The following RAPGEF4 variants were observed in gnomAD, a reference collection of about 807,000 sequenced individuals.
RAPGEF4 encodes Rap guanine nucleotide exchange factor 4, also known as RAP guanine-nucleotide-exchange factor (GEF) 4.
Under a neutral mutation model 147.9 loss-of-function variants are expected in RAPGEF4, and 66 were observed. The observed-to-expected ratio is 0.45, with a 90% CI of 0.37 to 0.55. RAPGEF4 has a LOEUF of 0.55. Among genes scored for constraint, RAPGEF4 ranks in the 20% least tolerant of loss-of-function variants. The pLI, the probability that RAPGEF4 is intolerant of heterozygous loss-of-function variation, is 0.00. For synonymous variants in RAPGEF4, 419 were observed against 442.7 expected (o/e 0.95, Z 0.67); for missense variants, 1,071 against 1,257.3 (o/e 0.85, Z 2.24).
chr2:172,926,568 ATTTGTTTG>A (rs373359454), intron 6 of RAPGEF4, among the ~76,000 whole-genome samples: 1 of 151,438 alleles, frequency 6.6e-6, no homozygotes, highest in South Asian at 2.1e-4. Flanking sequence ...TTGTTTGTTT[ATTTGTTTG>A]TTTGTTTGTT....
intron 4 of RAPGEF4, among the ~76,000 whole-genome samples, chr2:172,859,365 A>C (rs142198934): frequency 6.6e-6 from 1 of 152,382 alleles, no homozygotes; most frequent in African/African-American, 2.4e-5. Flanking sequence ...ATGAAAATGT[A>C]CTCTGATATA....
chr2:172,814,130 C>T (rs1688280917), intron 3 of RAPGEF4, 149 bp from the exon 4 acceptor site: 1 of 784,864 alleles, frequency 1.3e-6, no homozygotes, highest in Admixed American at 2.6e-5. Context: ...TTGGTAATTA[C>T]TCCGGTATAT....
intron 23 of RAPGEF4, among the ~76,000 whole-genome samples, chr2:173,023,576 GGA>G (rs1242371396): frequency 6.6e-6 from 1 of 152,156 alleles, no homozygotes. Context: ...CCCTACGCCG[GGA>G]GAGAGACTTG....
intron 4 of RAPGEF4, among the ~76,000 whole-genome samples, chr2:172,888,290 C>T (rs1285811654): frequency 2.6e-5 from 4 of 152,188 alleles, no homozygotes; most frequent in East Asian, 1.9e-4. Context: ...GGAAAAAATC[C>T]GAGGCTGAAC....
chr2:172,749,043 C>T (rs1218957288), intron 1 of RAPGEF4, among the ~76,000 whole-genome samples: 1 of 152,186 alleles, frequency 6.6e-6, no homozygotes, highest in Non-Finnish European at 1.5e-5. Flanking sequence ...CAGCCTGGCC[C>T]CTGTGGCTTT....
chr2:172,815,255 G>T (rs1427165902), intron 4 of RAPGEF4, among the ~76,000 whole-genome samples: 1 of 152,194 alleles, frequency 6.6e-6, no homozygotes, highest in African/African-American at 2.4e-5. Flanking sequence ...GATCTAAAAA[G>T]AATTTTGTGT....
At chr2:172,954,922 AT>A (rs1688579097) in intron 6 of RAPGEF4, among the ~76,000 whole-genome samples, 1 of 152,158 alleles carries the variant, frequency 6.6e-6, no homozygotes, top group Non-Finnish European at 1.5e-5. Context: ...CCAAGAGCCC[AT>A]TTTGGCCAGG....
chr2:173,049,475 A>G (rs1369281212), intron 30 of RAPGEF4, among the ~76,000 whole-genome samples: 2 of 152,228 alleles, frequency 1.3e-5, no homozygotes, highest in Non-Finnish European at 2.9e-5. Context: ...TCAATATGAT[A>G]CTATGACATA....
intron 4 of RAPGEF4, among the ~76,000 whole-genome samples, chr2:172,883,622 T>A (rs1018334787): frequency 3.9e-5 from 6 of 152,228 alleles, no homozygotes; most frequent in Non-Finnish European, 8.8e-5. Flanking sequence ...CTGACATTTT[T>A]AAAAATTCTG....
intron 4 of RAPGEF4, among the ~76,000 whole-genome samples, chr2:172,906,926 G>C (rs1559111847): frequency 6.6e-6 from 1 of 152,226 alleles, no homozygotes; most frequent in Non-Finnish European, 1.5e-5. Context: ...CCCAACTTTT[G>C]TATGCCAGCT....
At position 172,736,157 on chromosome 2, in the gene RAPGEF4, CG is replaced by C. The variant is rs940989158; in HGVS notation, c.65+113del. The C allele has an allele frequency of 8.3e-6, 7 of 846,684 alleles. No homozygotes were observed. In the African/African-American group the frequency reaches 1.3e-4, roughly 15 times the overall value. The allele number at this position is 846,684 out of a possible 1,614,324, so 52.4% of individuals were successfully genotyped here. A position where few individuals can be genotyped will look rare whatever the true frequency, so the allele number is the denominator to read the frequency against. ...GCAGCGCGGCCGGGCTGCGGGTGGC[CG>C]GGGTCCCCGAGCGGGGGAAGGGGTT... On this transcript the variant is annotated intron_variant, in intron 1 of 30. Coordinates refer to ENST00000397081, the MANE Select transcript of RAPGEF4 (RefSeq NM_007023.4).
chr2:172,744,509 T>C, intron 1 of RAPGEF4: 1 of 426,762 alleles, frequency 2.3e-6, no homozygotes. Context: ...TCAGACTGTA[T>C]AGGCTCAAAC....
At chr2:172,772,569 C>T (rs1239239641) in intron 1 of RAPGEF4, among the ~76,000 whole-genome samples, 1 of 152,132 alleles carries the variant, frequency 6.6e-6, no homozygotes, top group Non-Finnish European at 1.5e-5. Flanking sequence ...GTCTCAAACT[C>T]CTGGCCTCAA....
chr2:172,804,255 T>C (rs1225650279), intron 3 of RAPGEF4, among the ~76,000 whole-genome samples: 1 of 152,218 alleles, frequency 6.6e-6, no homozygotes, highest in Non-Finnish European at 1.5e-5. Flanking sequence ...CAAGTTAATA[T>C]TACTTTTTCT....
chr2:173,007,518 G>A (rs180881926), intron 17 of RAPGEF4, among the ~76,000 whole-genome samples: 13 of 152,236 alleles, frequency 8.5e-5, no homozygotes, highest in Admixed American at 7.2e-4. Flanking sequence ...TTCCAGAGAA[G>A]AATCAGTAAT....
intron 4 of RAPGEF4, among the ~76,000 whole-genome samples, chr2:172,901,796 C>T (rs1012126575): frequency 6.6e-6 from 1 of 152,188 alleles, no homozygotes; most frequent in Non-Finnish European, 1.5e-5. Flanking sequence ...CTTCCCATGT[C>T]CCAGGCAAGT....
chr2:172,918,097 A>G, intron 5 of RAPGEF4: 1 of 708,616 alleles, frequency 1.4e-6, no homozygotes, highest in Admixed American at 2.0e-5. Context: ...CTCTGGTGCC[A>G]GCTGGAACTT....
At chr2:172,873,908 A>G (rs1219588409) in intron 4 of RAPGEF4, among the ~76,000 whole-genome samples, 3 of 152,264 alleles carry the variant, frequency 2.0e-5, no homozygotes, top group African/African-American at 7.2e-5. Flanking sequence ...GGCACTTCTC[A>G]AAAGAAGACA....
intron 4 of RAPGEF4, among the ~76,000 whole-genome samples, chr2:172,830,839 G>A (rs1379618874): frequency 6.6e-6 from 1 of 152,078 alleles, no homozygotes; most frequent in Admixed American, 6.6e-5. Flanking sequence ...ATACATACAT[G>A]TGGTACAAAA....
Sources: allele counts gnomAD v4.1 joint callset (sites outside exome capture counted in the v4.1 genomes callset), GRCh38; gene constraint gnomAD v4.1.1; transcripts MANE v1.5; gene names NCBI Gene and HGNC (gene_info 2026-07-23, HGNC 2026-07-21).